The following ANAPC7 variants were observed in gnomAD, a reference collection of about 807,000 sequenced individuals.
ANAPC7 encodes the protein anaphase promoting complex subunit 7, also known as anaphase-promoting complex subunit 7.
Under a neutral mutation model 63.3 loss-of-function variants are expected in ANAPC7, and 25 were observed. The ratio of observed to expected loss-of-function variants is 0.39; its 90% CI spans 0.29 to 0.55. The LOEUF (loss-of-function observed/expected upper bound fraction) is 0.55. Ranked by LOEUF, ANAPC7 falls within the 20% of genes least tolerant of loss-of-function variation. ANAPC7 has a pLI of 0.57. For missense variants in ANAPC7, 516 were observed against 691.7 expected (o/e 0.75, Z 2.85); for synonymous variants, 241 against 251.7 (o/e 0.96, Z 0.40).
At chr12:110,397,764 G>A (rs369686449) in intron 1 of ANAPC7, among the ~76,000 whole-genome samples, 4 of 151,390 alleles carry the variant, frequency 2.6e-5, no homozygotes, top group Non-Finnish European at 2.9e-5. Context: ...GTGTGGTGGC[G>A]CATGCCTGTA....
At chr12:110,382,440 TTAAAAAAA>T (rs1392983403) in intron 7 of ANAPC7, among the ~76,000 whole-genome samples, 1 of 26,782 alleles carries the variant, frequency 3.7e-5, no homozygotes, top group African/African-American at 1.8e-4. Flanking sequence ...GATTATCCTT[TTAAAAAAA>T]AAAAAAAAAA....
At chr12:110,380,079 A>G (rs537712589) in intron 8 of ANAPC7, among the ~76,000 whole-genome samples, 54 of 152,332 alleles carry the variant, frequency 3.5e-4, no homozygotes, top group African/African-American at 1.3e-3. Flanking sequence ...GGCCATGTAC[A>G]GTGGTTCACG....
intron 1 of ANAPC7, among the ~76,000 whole-genome samples, chr12:110,402,525 G>A (rs1156487657): frequency 1.3e-5 from 2 of 151,224 alleles, no homozygotes; most frequent in Non-Finnish European, 3.0e-5. Flanking sequence ...AAGCAGAGAC[G>A]GGGTTACACT....
intron 8 of ANAPC7, 50 bp from the exon 9 acceptor site, chr12:110,377,667 C>A: frequency 3.1e-6 from 5 of 1,609,940 alleles, no homozygotes; most frequent in Non-Finnish European, 4.2e-6. Context: ...ACCATTCCAA[C>A]CCATGCTTCC....
Position 110,391,804 on chromosome 12 carries a change from T to C in ANAPC7, c.409-3181A>G, listed in dbSNP as rs190160850. The stretch of plus-strand genomic sequence containing the variant: ...TATCCTTCAAAGTTTATAATTAAAA[T>C]GGCTTCTTGGCCGGGCGTGGTGGCT... On this transcript the variant is annotated intron_variant, in intron 3 of 10. Transcript: ENST00000455511. Among the ~76,000 whole-genome samples, 4 of 152,280 alleles carry C rather than the reference T, an allele frequency of 2.6e-5. No homozygotes were observed. The East Asian group carries it at 7.7e-4, about 29-fold the overall frequency.
Position 110,382,461 on chromosome 12 carries a change from AATATAT to A in ANAPC7, c.935+376_935+381del, listed in dbSNP as rs66967302. 2.1e-3 allele frequency among the ~76,000 whole-genome samples: 66 copies of A among 30,836 alleles called. 1 individual carries two copies. Among genetic ancestry groups the A allele is most frequent in the South Asian group, 6.0e-3 (7 of 1,160 alleles). 20.2% of individuals were successfully genotyped at this position (30,836 alleles called of 152,430 possible). A position where few individuals can be genotyped will look rare whatever the true frequency, so the allele number is the denominator to read the frequency against. Reference sequence around the variant, plus strand: ...CCTTTTAAAAAAAAAAAAAAAAAAAAATATATATATATATATATATATATATATATA... The same window carrying A: ...CCTTTTAAAAAAAAAAAAAAAAAAAAATATATATATATATATATATATATA... On this transcript the variant is annotated intron_variant, in intron 7 of 10. Coordinates refer to ENST00000455511, the MANE Select transcript of ANAPC7 (RefSeq NM_016238.3).
intron 1 of ANAPC7, among the ~76,000 whole-genome samples, chr12:110,401,483 G>C (rs1177427275): frequency 6.6e-6 from 1 of 152,160 alleles, no homozygotes; most frequent in Non-Finnish European, 1.5e-5. Context: ...AGGCTCTTTA[G>C]GAGAGATATC....
intron 1 of ANAPC7, among the ~76,000 whole-genome samples, chr12:110,402,006 T>C (rs1391348764): frequency 6.8e-6 from 1 of 146,806 alleles, no homozygotes; most frequent in Non-Finnish European, 1.5e-5. Flanking sequence ...TGAAACTCTG[T>C]TTCTACTAAA....
intron 9 of ANAPC7, 104 bp from the exon 10 acceptor site, chr12:110,376,320 C>T: frequency 7.3e-7 from 1 of 1,361,450 alleles, no homozygotes; most frequent in South Asian, 1.4e-5. Context: ...ACTGGTGCAA[C>T]ACAAAGCGAG....
rs1425818005 is a variant in ANAPC7, at chr12:110,374,069, G to A, written c.*75C>T. On this transcript the variant is annotated 3_prime_UTR_variant, in exon 11 of 11. Coordinates refer to ENST00000455511, the MANE Select transcript of ANAPC7 (RefSeq NM_016238.3). ...TGAATCATTGTCCTTCTGAGAGCAG[G>A]CTCCTACGGTTCCTTCAGTCCACGG... is the stretch of plus-strand genomic sequence containing the variant. The A allele has an allele frequency of 4.1e-6, 6 of 1,448,184 alleles. No individual in the cohort carries two copies. The African/African-American group carries it at 7.1e-5, about 17-fold the overall frequency. 89.7% of individuals were successfully genotyped at this position (1,448,184 alleles called of 1,614,324 possible).
intron 7 of ANAPC7, among the ~76,000 whole-genome samples, chr12:110,382,469 T>C (rs1162362877): frequency 8.2e-6 from 1 of 122,310 alleles, no homozygotes; most frequent in Non-Finnish European, 1.7e-5. Context: ...AAAATATATA[T>C]ATATATATAT....
chr12:110,399,022 CT>C lies in ANAPC7; in HGVS notation c.102-2571del, dbSNP rs764219174. Among the ~76,000 whole-genome samples the C allele has an allele frequency of 5.0e-3, 677 of 136,182 alleles. 1 individual carries two copies. The highest frequency in any genetic ancestry group is 7.5e-3 in the Middle Eastern group (2 of 266). The allele number at this position is 136,182 out of a possible 152,430, so 89.3% of individuals were successfully genotyped here. ...AAAGAACAGAGTGAGCTGAATAATT[CT>C]TTTTTTTTTTTTTTTGAGAAGGAGT... On this transcript the variant is annotated intron_variant, in intron 1 of 10. Coordinates refer to ENST00000455511, the MANE Select transcript of ANAPC7 (RefSeq NM_016238.3).
At chr12:110,382,458 AAAAAT>A (rs1183037277) in intron 7 of ANAPC7, among the ~76,000 whole-genome samples, 126 of 80,432 alleles carry the variant, frequency 1.6e-3, no homozygotes, top group Non-Finnish European at 1.7e-3. Flanking sequence ...AAAAAAAAAA[AAAAAT>A]ATATATATAT....
At chr12:110,392,707 G>A (rs1400685090) in intron 3 of ANAPC7, among the ~76,000 whole-genome samples, 1 of 152,110 alleles carries the variant, frequency 6.6e-6, no homozygotes, top group Non-Finnish European at 1.5e-5. Context: ...AAGTAGTAAA[G>A]CTCACAAATT....
chr12:110,387,355 G>GAA (rs1882663050), intron 5 of ANAPC7: 1 of 114,676 alleles, frequency 8.7e-6, no homozygotes, highest in African/African-American at 4.4e-5. Context: ...GAGAGAGACA[G>GAA]AGAGAGAGAG....
rs117200300 is a variant in ANAPC7, at chr12:110,388,078, C to T, written c.521-186G>A. On this transcript the variant is annotated intron_variant, in intron 4 of 10. Coordinates refer to ENST00000455511, the MANE Select transcript of ANAPC7 (RefSeq NM_016238.3). ...TGAGACAGTGTCTTGTTCTGTCCCC[C>T]TGGGCTGGAATGCAGTGGCACAATC... Among the ~76,000 whole-genome samples, 555 of 152,292 alleles carry T rather than the reference C, an allele frequency of 3.6e-3. 11 individuals carry two copies. In the East Asian group the frequency reaches 0.061, roughly 17 times the overall value.
chr12:110,384,583 G>A (rs917965164), intron 6 of ANAPC7, among the ~76,000 whole-genome samples: 7 of 151,474 alleles, frequency 4.6e-5, no homozygotes, highest in Non-Finnish European at 1.0e-4. Context: ...CTACTCAAGA[G>A]GCTGAGGCAG....
chr12:110,392,311 A>C (rs1883169483), intron 3 of ANAPC7, among the ~76,000 whole-genome samples: 1 of 152,166 alleles, frequency 6.6e-6, no homozygotes. Context: ...CCACCATCAT[A>C]CTGAAGAAAT....
chr12:110,382,484 ATATATATATATT>A (rs1328005523), intron 7 of ANAPC7, among the ~76,000 whole-genome samples: 6 of 132,978 alleles, frequency 4.5e-5, no homozygotes, highest in African/African-American at 1.7e-4. Context: ...ATATATATAT[ATATATATATATT>A]TATAGAGACA....
Sources: gnomAD v4.1 joint callset for allele counts (sites outside exome capture counted in the v4.1 genomes callset) on GRCh38, gnomAD v4.1.1 for gene constraint, MANE v1.5 for transcripts, NCBI Gene and HGNC (gene_info 2026-07-23, HGNC 2026-07-21) for gene names.